ARFGAP2: variants seen among roughly 807,000 people sequenced by gnomAD.
ARFGAP2 encodes the protein ARF GTPase activating protein 2.
Under a neutral mutation model 71.9 loss-of-function variants are expected in ARFGAP2, and 45 were observed. The ratio of observed to expected loss-of-function variants is 0.63; its 90% CI spans 0.49 to 0.80. The LOEUF is 0.80. ARFGAP2 is among the 30% of genes least tolerant of loss of function. The pLI is 0.00. For missense variants in ARFGAP2, 633 were observed against 673.9 expected, an observed-to-expected ratio of 0.94 and a Z score of 0.67; for synonymous variants, 248 against 249.2, an observed-to-expected ratio of 1.00 and a Z score of 0.05.
At chr11:47,175,401 G>A (rs745720437) in intron 3 of ARFGAP2, 88 bp from the exon 4 acceptor site, 8 of 1,585,490 alleles carry the variant, frequency 5.0e-6, no homozygotes, top group Admixed American at 3.3e-5. Flanking sequence ...CCTTATGACA[G>A]CGAAGTTATT....
chr11:47,168,680 C>G (rs2135424329), intron 10 of ARFGAP2: 1 of 161,046 alleles, frequency 6.2e-6, no homozygotes, highest in South Asian at 1.6e-4. Context: ...TCACCACACC[C>G]AGCTGATTTT....
At position 47,165,479 on chromosome 11, in the gene ARFGAP2, G is replaced by T. The variant is rs376852702; in HGVS notation, c.*3C>A. On this transcript the variant is annotated 3_prime_UTR_variant, in exon 16 of 16. Transcript: ENST00000524782. ...ATCGTAAGCCTGAGTCACAGAGCTC[G>T]GATCAGTAGGAACCGTAGCGATCCT... 2.5e-6 allele frequency: 4 copies of T among 1,572,626 alleles called. No individual in the cohort carries two copies. In the East Asian group the frequency reaches 7.1e-5, roughly 28 times the overall value.
chr11:47,168,270 C>G lies in ARFGAP2; in HGVS notation c.942-19G>C. The G allele has an allele frequency of 6.2e-7, 1 of 1,613,692 alleles. No homozygotes were observed. The highest frequency in any genetic ancestry group is 1.1e-5 in the South Asian group (1 of 91,016). The stretch of plus-strand genomic sequence containing the variant: ...GACAGAGCTGCGCAGCAAAGCAGAG[C>G]CAGGCATGAGACCAAAGGATAGGCA... On this transcript the variant is annotated intron_variant, in intron 10 of 15. Transcript: ENST00000524782.
Position 47,176,769 on chromosome 11 carries a change from C to G in ARFGAP2, c.72+13G>C, listed in dbSNP as rs180844924. The G allele has an allele frequency of 1.2e-3, 1,892 of 1,614,146 alleles. 18 individuals are homozygous for G. In the African/African-American group the frequency reaches 0.022, roughly 19 times the overall value. ...GCGGGACGAGAGACTCCGCGCGCCC[C>G]CTGCTCACGCACCTTGTTGGTTGGA... On this transcript the variant is annotated intron_variant, in intron 1 of 15. Transcript: ENST00000524782.
intron 10 of ARFGAP2, among the ~76,000 whole-genome samples, chr11:47,168,992 T>C (rs1210493277): frequency 6.6e-6 from 1 of 150,808 alleles, no homozygotes; most frequent in Non-Finnish European, 1.5e-5. Context: ...CATCAAAGAA[T>C]GAGTTCTTCA....
At chr11:47,174,844 TGGA>T in intron 5 of ARFGAP2, 168 bp downstream of exon 5, 1 of 709,790 alleles carries the variant, frequency 1.4e-6, no homozygotes, top group Non-Finnish European at 2.4e-6. Context: ...CCTCCATTTA[TGGA>T]GGAGGAAACA....
At chr11:47,174,394 TTTTTTTTTTTTTGAGACGGA>T (rs1952716854) in intron 5 of ARFGAP2, 1 of 83,448 alleles carries the variant, frequency 1.2e-5, no homozygotes, top group Admixed American at 1.4e-4. Context: ...TTTTTTTTTT[TTTTTTTTTTTTTGAGACGGA>T]GTCTCGCTCT....
chr11:47,171,712 A>G lies in ARFGAP2; in HGVS notation c.761T>C (p.Leu254Pro). The change falls in exon 9 of 16, where the codon CTC (leucine) becomes CCC (proline). Residue 254 changes from leucine (L) to proline (P), a missense_variant. Transcript: ENST00000524782. ...GGCATCGGCTGCCTGCTGCTCACGG[A>G]GCTTCTCTGCCACCTGAGCCTGCCG... ...IERQAQVAEK[L>P]REQQAADAKK... The G allele has an allele frequency of 6.2e-7, 1 of 1,613,848 alleles. No individual in the cohort carries two copies. The highest frequency in any genetic ancestry group is 8.5e-7 in the Non-Finnish European group (1 of 1,180,030).
Position 47,165,213 on chromosome 11 carries a change from G to T in ARFGAP2, c.*269C>A. 1 of 395,822 alleles carries T rather than the reference G, an allele frequency of 2.5e-6. No homozygotes were observed. The highest frequency in any genetic ancestry group is 3.6e-5 in the East Asian group (1 of 27,736). 24.5% of individuals were successfully genotyped at this position (395,822 alleles called of 1,614,324 possible). The stretch of plus-strand genomic sequence containing the variant: ...AGTATGGCAGGATAAGTGAGCAGCA[G>T]CTGTGGGGGCAGGACAGAAGGACAA... On this transcript the variant is annotated 3_prime_UTR_variant, in exon 16 of 16. Coordinates refer to ENST00000524782, the MANE Select transcript of ARFGAP2 (RefSeq NM_032389.6).
Position 47,166,790 on chromosome 11 carries a change from G to A in ARFGAP2, c.1302C>T (p.Asp434=). The part of the protein sequence containing the change: ...KFAGAKAISS[D]MFFGREVDAE... Reference sequence around the variant, plus strand: ...CATCCACCTCCCGCCCAAAGAACATGTCAGATGAGATGGCTTTGGCTCCTG... The same window carrying A: ...CATCCACCTCCCGCCCAAAGAACATATCAGATGAGATGGCTTTGGCTCCTG... Residue 434 remains aspartate, a synonymous_variant, in exon 13 of 16, where the codon GAC becomes GAT. Coordinates refer to ENST00000524782, the MANE Select transcript of ARFGAP2 (RefSeq NM_032389.6). The A allele has an allele frequency of 6.2e-7, 1 of 1,614,096 alleles. No homozygotes were observed. Among genetic ancestry groups the A allele is most frequent in the Non-Finnish European group, 8.5e-7 (1 of 1,180,048 alleles).
rs1360315930 is a variant in ARFGAP2 at position 47,164,811 on chromosome 11, T to C, written c.*671A>G. 1 of 152,372 alleles carries C rather than the reference T, an allele frequency of 6.6e-6. No individual in the cohort carries two copies. The highest frequency in any genetic ancestry group is 2.4e-5 in the African/African-American group (1 of 41,398). The allele number at this position is 152,372 out of a possible 1,614,324, so 9.4% of individuals were successfully genotyped here. On this transcript the variant is annotated 3_prime_UTR_variant, in exon 16 of 16. Coordinates refer to ENST00000524782, the MANE Select transcript of ARFGAP2 (RefSeq NM_032389.6). ...ACCCTGAGACACCCTGAAACAATCT[T>C]CCAAGTGCTTACTGTAGAAAGGGGT... is the stretch of plus-strand genomic sequence containing the variant.
chr11:47,173,403 C>T (rs1268563017), intron 7 of ARFGAP2, 23 bp downstream of exon 7: 14 of 1,552,110 alleles, frequency 9.0e-6, no homozygotes, highest in African/African-American at 1.4e-5. Flanking sequence ...AGACACCCCA[C>T]GCCTGCCCGC....
Position 47,165,241 on chromosome 11 carries a change from G to A in ARFGAP2, c.*241C>T, listed in dbSNP as rs1004279179. On this transcript the variant is annotated 3_prime_UTR_variant, in exon 16 of 16. Coordinates refer to ENST00000524782, the MANE Select transcript of ARFGAP2 (RefSeq NM_032389.6). Reference sequence around the variant, plus strand: ...GTGGGGGCAGGACAGAAGGACAAGAGTCTAACACACGGAGGGTGGTGTGAG... The same window carrying A: ...GTGGGGGCAGGACAGAAGGACAAGAATCTAACACACGGAGGGTGGTGTGAG... 1.2e-5 allele frequency: 5 copies of A among 411,486 alleles called. No homozygotes were observed. The highest frequency in any genetic ancestry group is 4.4e-5 in the Admixed American group (1 of 22,922). 25.5% of individuals were successfully genotyped at this position (411,486 alleles called of 1,614,324 possible). A position where few individuals can be genotyped will look rare whatever the true frequency, so the allele number is the denominator to read the frequency against.
intron 5 of ARFGAP2, chr11:47,174,063 C>T: frequency 1.3e-6 from 1 of 762,000 alleles, no homozygotes; most frequent in Non-Finnish European, 2.1e-6. Context: ...AGAGCCAGAG[C>T]CCATTCTCCT....
At chr11:47,176,040 C>A (rs758277862) in intron 2 of ARFGAP2, 117 bp from the exon 3 acceptor site, 30 of 940,296 alleles carry the variant, frequency 3.2e-5, no homozygotes, top group African/African-American at 4.9e-5. Flanking sequence ...CATTAATCAG[C>A]CATCACCCCA....
At chr11:47,171,601 C>T in intron 9 of ARFGAP2, 44 bp from the exon 10 acceptor site, 4 of 1,614,022 alleles carry the variant, frequency 2.5e-6, no homozygotes, top group Non-Finnish European at 3.4e-6. Context: ...CCATCCTGAC[C>T]TGTCCAACAT....
intron 12 of ARFGAP2, among the ~76,000 whole-genome samples, chr11:47,167,479 G>A (rs748833772): frequency 6.6e-6 from 1 of 152,066 alleles, no homozygotes; most frequent in Non-Finnish European, 1.5e-5. Context: ...GATGGAGTAG[G>A]GTTTTAAAAA....
chr11:47,173,710 G>A (rs1952683388), intron 6 of ARFGAP2, 49 bp downstream of exon 6: 2 of 1,546,606 alleles, frequency 1.3e-6, no homozygotes, highest in Non-Finnish European at 1.8e-6. Flanking sequence ...CAAACCCTGA[G>A]TCCTCTCCTA....
intron 11 of ARFGAP2, 37 bp downstream of exon 11, chr11:47,168,086 C>T: frequency 6.2e-7 from 1 of 1,614,134 alleles, no homozygotes; most frequent in South Asian, 1.1e-5. Flanking sequence ...TGATGAGGAA[C>T]ACAGCAGCCA....
Sources: allele counts gnomAD v4.1 joint callset (sites outside exome capture counted in the v4.1 genomes callset), GRCh38; gene constraint gnomAD v4.1.1; transcripts MANE v1.5; gene names NCBI Gene and HGNC (gene_info 2026-07-23, HGNC 2026-07-21).